Variants in ADAMTS3 observed in about 807,000 individuals in gnomAD.
ADAMTS3 encodes ADAM metallopeptidase with thrombospondin type 1 motif 3, also known as A disintegrin and metalloproteinase with thrombospondin motifs 3.
In ADAMTS3, 73 loss-of-function variants were observed where a neutral mutation model predicts 129.0. That is an observed-to-expected ratio of 0.57 (90% CI 0.47 to 0.69). The LOEUF is 0.69. ADAMTS3 is among the 30% of genes least tolerant of loss of function. The probability of loss-of-function intolerance (pLI) is 0.00; values close to 1 mark genes in which losing one functional copy is unlikely to be tolerated. For synonymous variants in ADAMTS3, 477 were observed against 510.8 expected, an observed-to-expected ratio of 0.93 and a Z score of 0.89; for missense variants, 1,457 against 1,514.5, an observed-to-expected ratio of 0.96 and a Z score of 0.63.
At chr4:72,360,643 C>T (rs994785584) in intron 4 of ADAMTS3, among the ~76,000 whole-genome samples, 8 of 151,932 alleles carry the variant, frequency 5.3e-5, no homozygotes, top group South Asian at 2.1e-4. Context: ...AACCCAAATA[C>T]GAAAAGGTAC....
At chr4:72,323,800 TG>T (rs1476449493) in intron 5 of ADAMTS3, among the ~76,000 whole-genome samples, 2 of 152,180 alleles carry the variant, frequency 1.3e-5, no homozygotes, top group Non-Finnish European at 2.9e-5. Flanking sequence ...AAAAGTGACT[TG>T]GTATACTTTA....
At chr4:72,321,335 CTTTTTTTTTG>C (rs1329501859) in intron 6 of ADAMTS3, among the ~76,000 whole-genome samples, 1 of 143,468 alleles carries the variant, frequency 7.0e-6, no homozygotes, top group Admixed American at 7.1e-5. Context: ...CCATTCCTGG[CTTTTTTTTTG>C]TTTTTTTTTG....
chr4:72,314,550 C>T (rs186639931), intron 11 of ADAMTS3, among the ~76,000 whole-genome samples: 6 of 152,224 alleles, frequency 3.9e-5, no homozygotes, highest in Admixed American at 6.5e-5. Flanking sequence ...TTTCACACTA[C>T]GTACAATAAA....
At chr4:72,451,742 C>T (rs888449915) in intron 3 of ADAMTS3, among the ~76,000 whole-genome samples, 9 of 151,726 alleles carry the variant, frequency 5.9e-5, no homozygotes, top group African/African-American at 2.2e-4. Context: ...ATATGATTGA[C>T]CCATTATATT....
rs1291778318 is a variant in ADAMTS3, at chr4:72,295,678, T to C, written c.2699A>G (p.Asn900Ser). 8 of 1,612,860 alleles carry C rather than the reference T, an allele frequency of 5.0e-6. No homozygotes were observed. Among genetic ancestry groups the C allele is most frequent in the East Asian group, 2.2e-5 (1 of 44,832 alleles). ...CAGTGGATGTGTACACTCTTGAATA[T>C]TGCACATTCGTCTAATAGGTTTCGG... ...KKPKPIRRMCNIQECTHPLWV... is the reference protein window; with the variant it reads ...KKPKPIRRMCSIQECTHPLWV... Residue 900 changes from asparagine to serine, a missense_variant, in exon 19 of 22, where the codon AAT becomes AGT. Physicochemically the swap from Asn to Ser is conservative, Grantham distance 46. Coordinates refer to ENST00000286657, the MANE Select transcript of ADAMTS3 (RefSeq NM_014243.3).
intron 3 of ADAMTS3, among the ~76,000 whole-genome samples, chr4:72,443,984 G>A (rs1246844882): frequency 2.6e-5 from 4 of 151,686 alleles, no homozygotes; most frequent in Non-Finnish European, 5.9e-5. Flanking sequence ...AAACAGACAA[G>A]TAATCACCAT....
rs755085630 is a variant in ADAMTS3 at position 72,320,699 on chromosome 4, T to C, written c.1102+15A>G. ...CATGCCCTCAAGTATTTCTTCTACA[T>C]ATTGACAGCAATACCTTGCATTCCA... On this transcript the variant is annotated intron_variant, in intron 7 of 21. Coordinates refer to ENST00000286657, the MANE Select transcript of ADAMTS3 (RefSeq NM_014243.3). 15 of 1,610,054 alleles carry C rather than the reference T, an allele frequency of 9.3e-6. No individual in the cohort carries two copies. The highest frequency in any genetic ancestry group is 2.7e-5 in the African/African-American group (2 of 74,636).
chr4:72,491,884 C>T lies in ADAMTS3; in HGVS notation c.504+56594G>A, dbSNP rs1489325020. Among the ~76,000 whole-genome samples the T allele has an allele frequency of 5.3e-5, 8 of 151,860 alleles. No homozygotes were observed. The East Asian group carries it at 1.5e-3, about 29-fold the overall frequency. ...TAATAAAATTCACCTATGAAGCCAT[C>T]AGGTTCTGAACTTTTCATTGTTGGC... On this transcript the variant is annotated intron_variant, in intron 3 of 21. Coordinates refer to ENST00000286657, the MANE Select transcript of ADAMTS3 (RefSeq NM_014243.3).
chr4:72,289,883 C>G (rs1035829396), intron 20 of ADAMTS3, among the ~76,000 whole-genome samples: 2 of 152,144 alleles, frequency 1.3e-5, no homozygotes, highest in African/African-American at 2.4e-5. Flanking sequence ...GCCAAATAAA[C>G]TTTTGTTCTT....
intron 4 of ADAMTS3, among the ~76,000 whole-genome samples, chr4:72,350,141 A>G (rs1481299119): frequency 6.6e-6 from 1 of 152,068 alleles, no homozygotes; most frequent in Non-Finnish European, 1.5e-5. Context: ...CCATTCCTAA[A>G]GTGATTTCTG....
At chr4:72,384,894 T>C (rs560281860) in intron 4 of ADAMTS3, among the ~76,000 whole-genome samples, 77 of 152,016 alleles carry the variant, frequency 5.1e-4, no homozygotes, top group Non-Finnish European at 6.9e-4. Context: ...TGGGGCCGGG[T>C]GTGGTGGCTC....
At chr4:72,310,151 G>C (rs1022820286) in intron 14 of ADAMTS3, among the ~76,000 whole-genome samples, 2 of 152,058 alleles carry the variant, frequency 1.3e-5, no homozygotes, top group Non-Finnish European at 2.9e-5. Flanking sequence ...GCATTGAATA[G>C]ACTGCAGAAG....
chr4:72,449,876 A>G (rs1718348540), intron 3 of ADAMTS3, among the ~76,000 whole-genome samples: 1 of 151,402 alleles, frequency 6.6e-6, no homozygotes, highest in Admixed American at 6.6e-5. Context: ...TTTCAGTTTC[A>G]ATCTAAATAG....
chr4:72,486,491 C>G (rs1054699123), intron 3 of ADAMTS3, among the ~76,000 whole-genome samples: 5 of 152,136 alleles, frequency 3.3e-5, no homozygotes, highest in African/African-American at 1.2e-4. Context: ...GAACCTAGCC[C>G]TCCATCAGGC....
At chr4:72,423,569 T>A (rs1458851042) in intron 3 of ADAMTS3, among the ~76,000 whole-genome samples, 3 of 152,076 alleles carry the variant, frequency 2.0e-5, no homozygotes, top group African/African-American at 7.2e-5. Context: ...CTTTTATTAT[T>A]ATTATACTTT....
In ADAMTS3 at chr4:72,404,534, G is replaced by A. The variant is rs72852039; in HGVS notation, c.661+10281C>T. On this transcript the variant is annotated intron_variant, in intron 4 of 21. Transcript: ENST00000286657. Reference sequence around the variant, plus strand: ...AGATGGATTGAAGACTTAAATGTAAGAACTGAAACTATAAAACTCCTAGGA... The same window carrying A: ...AGATGGATTGAAGACTTAAATGTAAAAACTGAAACTATAAAACTCCTAGGA... 5.9e-3 allele frequency among the ~76,000 whole-genome samples: 898 copies of A among 152,022 alleles called. 16 individuals are homozygous for A. The highest frequency in any genetic ancestry group is 0.021 in the African/African-American group (860 of 41,474).
chr4:72,420,739 G>T (rs1722423048), intron 3 of ADAMTS3, among the ~76,000 whole-genome samples: 1 of 152,194 alleles, frequency 6.6e-6, no homozygotes, highest in Non-Finnish European at 1.5e-5. Flanking sequence ...AACAAAGAAG[G>T]AAGGCATAAT....
At chr4:72,519,475 A>C (rs1479705399) in intron 3 of ADAMTS3, among the ~76,000 whole-genome samples, 12 of 152,112 alleles carry the variant, frequency 7.9e-5, no homozygotes, top group South Asian at 2.1e-4. Flanking sequence ...TCAGGTACAC[A>C]AATCAGACAT....
chr4:72,535,361 A>G (rs1247985848), intron 3 of ADAMTS3, among the ~76,000 whole-genome samples: 3 of 152,066 alleles, frequency 2.0e-5, no homozygotes, highest in Non-Finnish European at 4.4e-5. Context: ...ACTGTTCTTC[A>G]TTTTCTCTCA....
Sources: allele counts gnomAD v4.1 joint callset (sites outside exome capture counted in the v4.1 genomes callset), GRCh38; gene constraint gnomAD v4.1.1; transcripts MANE v1.5; gene names NCBI Gene and HGNC (gene_info 2026-07-23, HGNC 2026-07-21).